The following KRAS variants were observed in gnomAD, a reference collection of about 807,000 sequenced individuals.
The protein encoded by KRAS is KRas proto-oncogene, GTPase.
Under a neutral mutation model 21.0 loss-of-function variants are expected in KRAS, and 1 was observed. The observed-to-expected ratio is 0.05, with a 90% confidence interval of 0.02 to 0.23. The LOEUF is 0.23. Among genes scored for constraint, KRAS ranks in the 10% least tolerant of loss-of-function variants. The probability of loss-of-function intolerance (pLI) is 1.00; values close to 1 mark genes in which losing one functional copy is unlikely to be tolerated. For missense variants in KRAS, 107 were observed against 221.8 expected (o/e 0.48, Z 3.29); for synonymous variants, 67 against 72.5 (o/e 0.92, Z 0.39).
intron 2 of KRAS, among the ~76,000 whole-genome samples, chr12:25,241,397 G>C (rs1951608279): frequency 6.6e-6 from 1 of 152,194 alleles, no homozygotes; most frequent in South Asian, 2.1e-4. Flanking sequence ...AGTGGGGAGA[G>C]CTTCACAGCC....
At chr12:25,223,252 G>C (rs1951350586) in intron 4 of KRAS, among the ~76,000 whole-genome samples, 2 of 152,170 alleles carry the variant, frequency 1.3e-5, no homozygotes, top group South Asian at 4.1e-4. Flanking sequence ...TAGAATCTAG[G>C]TAGTATATTT....
intron 4 of KRAS, among the ~76,000 whole-genome samples, chr12:25,213,999 A>ACTT (rs1242806035): frequency 2.0e-5 from 3 of 152,256 alleles, no homozygotes; most frequent in African/African-American, 7.2e-5. Context: ...CAAGTAATAT[A>ACTT]GGAATGAAAC....
rs560173279 is a variant in KRAS at position 25,209,287 on chromosome 12, G to A, written c.*508C>T. The A allele has an allele frequency of 6.2e-5, 40 of 644,230 alleles. No individual in the cohort carries two copies. The highest frequency in any genetic ancestry group is 1.1e-4 in the Non-Finnish European group (39 of 359,374). 39.9% of individuals were successfully genotyped at this position (644,230 alleles called of 1,614,324 possible). A position where few individuals can be genotyped will look rare whatever the true frequency, so the allele number is the denominator to read the frequency against. ...GAACAGTGTAACTTTACATTCATCAGGGATGACAAACTATAGGACATGATG... is the reference window on the plus strand; with the variant it reads ...GAACAGTGTAACTTTACATTCATCAAGGATGACAAACTATAGGACATGATG... On this transcript the variant is annotated 3_prime_UTR_variant, in exon 5 of 5. Coordinates refer to ENST00000311936, the MANE Select transcript of KRAS (RefSeq NM_004985.5).
intron 4 of KRAS, among the ~76,000 whole-genome samples, chr12:25,224,353 T>C (rs905420139): frequency 5.3e-5 from 8 of 152,036 alleles, no homozygotes; most frequent in Non-Finnish European, 1.0e-4. Flanking sequence ...AAGACAATGA[T>C]ATTGATGGTC....
intron 1 of KRAS, among the ~76,000 whole-genome samples, chr12:25,249,153 G>GT (rs5797122): frequency 0.19 from 29,040 of 152,188 alleles, 2,878 homozygotes; most frequent in Middle Eastern, 0.24. Flanking sequence ...ACATGCCACT[G>GT]TGGGAGGCCG....
chr12:25,246,271 T>G (rs971838957), intron 1 of KRAS, among the ~76,000 whole-genome samples: 3 of 151,996 alleles, frequency 2.0e-5, no homozygotes, highest in African/African-American at 7.3e-5. Flanking sequence ...AGATAAAGAT[T>G]AGAAAGCCGG....
intron 1 of KRAS, among the ~76,000 whole-genome samples, chr12:25,246,540 G>C (rs61759627): frequency 6.7e-6 from 1 of 148,396 alleles, no homozygotes; most frequent in Non-Finnish European, 1.5e-5. Context: ...ATTGGGTGAC[G>C]GAGTAAGACT....
intron 1 of KRAS, among the ~76,000 whole-genome samples, chr12:25,248,868 T>C (rs561550709): frequency 2.6e-5 from 4 of 152,350 alleles, no homozygotes; most frequent in Admixed American, 2.6e-4. Flanking sequence ...TGTGGATGGC[T>C]ACAGTCTCAA....
chr12:25,208,980 A>G lies in KRAS; in HGVS notation c.*815T>C. The G allele has an allele frequency of 3.0e-6, 1 of 331,652 alleles. No homozygotes were observed. The highest frequency in any genetic ancestry group is 4.4e-5 in the East Asian group (1 of 22,936). The allele number at this position is 331,652 out of a possible 1,614,324, so 20.5% of individuals were successfully genotyped here. On this transcript the variant is annotated 3_prime_UTR_variant, in exon 5 of 5. Coordinates refer to ENST00000311936, the MANE Select transcript of KRAS (RefSeq NM_004985.5). ...TTTAATTCCTATGAGAATTTTTTAT[A>G]CTTGTTAAAATCTTTTCAATTATTA...
chr12:25,215,196 T>A lies in KRAS; in HGVS notation c.451-5285A>T, dbSNP rs542639925. 4.1e-5 allele frequency: 28 copies of A among 676,846 alleles called. No homozygotes were observed. The African/African-American group carries it at 5.2e-4, about 13-fold the overall frequency. The allele number at this position is 676,846 out of a possible 1,614,324, so 41.9% of individuals were successfully genotyped here. On this transcript the variant is annotated intron_variant, in intron 4 of 4. Coordinates refer to ENST00000311936, the MANE Select transcript of KRAS (RefSeq NM_004985.5). ...AAATATTTAGTTTACTTAAGACTCA[T>A]TAAATCATTAGACTTTATGCCAAAT... is the stretch of plus-strand genomic sequence containing the variant.
intron 2 of KRAS, among the ~76,000 whole-genome samples, chr12:25,236,067 C>T (rs943727931): frequency 6.6e-6 from 1 of 152,006 alleles, no homozygotes; most frequent in African/African-American, 2.4e-5. Context: ...GGGTACCAGT[C>T]CGCAGTCCAG....
At chr12:25,233,238 G>A (rs2135791658) in intron 2 of KRAS, among the ~76,000 whole-genome samples, 1 of 152,210 alleles carries the variant, frequency 6.6e-6, no homozygotes, top group Non-Finnish European at 1.5e-5. Flanking sequence ...CCACACAGCA[G>A]CAAGTGATAG....
In KRAS at chr12:25,205,978, T is replaced by TA. The variant is rs1284117245; in HGVS notation, c.*3816dup. 9.4e-6 allele frequency: 2 copies of TA among 212,556 alleles called. No individual in the cohort carries two copies. The highest frequency in any genetic ancestry group is 1.9e-4 in the South Asian group (1 of 5,346). 13.2% of individuals were successfully genotyped at this position (212,556 alleles called of 1,614,324 possible). On this transcript the variant is annotated 3_prime_UTR_variant, in exon 5 of 5. Coordinates refer to ENST00000311936, the MANE Select transcript of KRAS (RefSeq NM_004985.5). ...CAGCTTTAAGGTAACTGCTGGGTTCTAAAAAACATTACTACACAATTATCA... is the reference window on the plus strand; with the variant it reads ...CAGCTTTAAGGTAACTGCTGGGTTCTAAAAAAACATTACTACACAATTATCA...
At chr12:25,217,487 TTTAAC>T (rs1287059701) in intron 4 of KRAS, among the ~76,000 whole-genome samples, 12 of 148,772 alleles carry the variant, frequency 8.1e-5, no homozygotes, top group African/African-American at 2.8e-4. Flanking sequence ...TATATTTATA[TTTAAC>T]GAATAACAAA....
rs553587737 is a variant in KRAS at position 25,207,877 on chromosome 12, C to G, written c.*1918G>C. On this transcript the variant is annotated 3_prime_UTR_variant, in exon 5 of 5. Transcript: ENST00000311936. ...TTTCTGATGTGACTCAGTGGGAAAA[C>G]TTCATGGAGATATCCACAGCAGCAG... The G allele has an allele frequency of 1.3e-3, 298 of 233,164 alleles. 2 individuals carry two copies. The highest frequency in any genetic ancestry group is 1.3e-3 in the Middle Eastern group (1 of 786). The allele number at this position is 233,164 out of a possible 1,614,324, so 14.4% of individuals were successfully genotyped here.
At chr12:25,242,991 T>C (rs1293836152) in intron 2 of KRAS, among the ~76,000 whole-genome samples, 1 of 152,212 alleles carries the variant, frequency 6.6e-6, no homozygotes, top group Non-Finnish European at 1.5e-5. Context: ...TTGATTTAAA[T>C]TTTTAAAAAA....
intron 2 of KRAS, among the ~76,000 whole-genome samples, chr12:25,241,829 T>C (rs1253577567): frequency 6.6e-6 from 1 of 152,130 alleles, no homozygotes; most frequent in Non-Finnish European, 1.5e-5. Context: ...TTGCCAAATG[T>C]CCCCTGGAGG....
At chr12:25,235,882 CA>C (rs1333660615) in intron 2 of KRAS, among the ~76,000 whole-genome samples, 14 of 152,148 alleles carry the variant, frequency 9.2e-5, no homozygotes, top group Non-Finnish European at 1.8e-4. Context: ...CTCAGACCAT[CA>C]AGCATTAGTT....
chr12:25,209,600 CTG>C lies in KRAS; in HGVS notation c.*193_*194del. On this transcript the variant is annotated 3_prime_UTR_variant, in exon 5 of 5. Transcript: ENST00000311936. ...CATTGCTAGTTCAAAAACCAAAACT[CTG>C]GGAATACTGGCACTTAGAGGAAAAA... 5 of 1,344,120 alleles carry C rather than the reference CTG, an allele frequency of 3.7e-6. No homozygotes were observed. In the Middle Eastern group the frequency reaches 8.4e-4, roughly 226 times the overall value. 83.3% of individuals were successfully genotyped at this position (1,344,120 alleles called of 1,614,324 possible).
Sources: allele counts gnomAD v4.1 joint callset (sites outside exome capture counted in the v4.1 genomes callset), GRCh38; gene constraint gnomAD v4.1.1; transcripts MANE v1.5; gene names NCBI Gene and HGNC (gene_info 2026-07-23, HGNC 2026-07-21).